The following FAT4 variants were observed in gnomAD, a reference collection of about 807,000 sequenced individuals.
FAT4 encodes the protein FAT atypical cadherin 4.
A neutral mutation model predicts 303.9 loss-of-function variants in FAT4; 84 were observed. The observed-to-expected ratio is 0.28, with a 90% CI of 0.23 to 0.33. FAT4 has a LOEUF of 0.33. Among genes scored for constraint, FAT4 ranks in the 10% least tolerant of loss-of-function variants. FAT4 has a pLI of 1.00. For missense variants in FAT4, 6,005 were observed against 6,146.8 expected (o/e 0.98, Z 0.77); for synonymous variants, 2,307 against 2,298.8 (o/e 1.00, Z -0.10).
At chr4:125,457,628 T>C (rs1306739777) in intron 10 of FAT4, among the ~76,000 whole-genome samples, 2 of 152,050 alleles carry the variant, frequency 1.3e-5, no homozygotes, top group Non-Finnish European at 2.9e-5. Context: ...TTATAATTTT[T>C]ATATTAATAT....
chr4:125,330,112 C>A (rs990067147), intron 2 of FAT4, among the ~76,000 whole-genome samples: 18 of 152,234 alleles, frequency 1.2e-4, no homozygotes, highest in African/African-American at 4.1e-4. Flanking sequence ...ATTCTCGGAA[C>A]TTGCTAGGCA....
chr4:125,382,214 T>C (rs1448719275), intron 2 of FAT4, among the ~76,000 whole-genome samples: 1 of 152,208 alleles, frequency 6.6e-6, no homozygotes, highest in Non-Finnish European at 1.5e-5. Context: ...TGGTGAATTC[T>C]TTCCAAGTTT....
Position 125,449,017 on chromosome 4 carries a change from A to G in FAT4, c.8007A>G (p.Pro2669=). Residue 2669 remains proline, a synonymous_variant, in exon 10 of 18, where the codon CCA becomes CCG. Coordinates refer to ENST00000394329, the MANE Select transcript of FAT4 (RefSeq NM_001291303.3). ...TATTAGATGTCAATGATAATGCCCCAATTTTTAAGGAAGACCCATTTATAT... is the reference window on the plus strand; with the variant it reads ...TATTAGATGTCAATGATAATGCCCCGATTTTTAAGGAAGACCCATTTATAT... ...ITVLDVNDNA[P]IFKEDPFISE... The G allele has an allele frequency of 1.9e-6, 3 of 1,613,778 alleles. No individual in the cohort carries two copies. Among genetic ancestry groups the G allele is most frequent in the Non-Finnish European group, 2.5e-6 (3 of 1,179,842 alleles).
In FAT4 at chr4:125,320,221, T is replaced by C; in HGVS notation, c.3810T>C (p.Ile1270=). Residue 1270 remains isoleucine, a synonymous_variant, in exon 2 of 18, where the codon ATT becomes ATC. Transcript: ENST00000394329. The part of the protein sequence containing the change: ...IDSTSGQVTL[I]GKLDYEATPA... ...GTACCTCTGGTCAGGTAACACTAAT[T>C]GGCAAATTAGACTATGAAGCAACAC... 5.6e-6 allele frequency: 9 copies of C among 1,614,082 alleles called. No individual in the cohort carries two copies. Among genetic ancestry groups the C allele is most frequent in the Non-Finnish European group, 7.6e-6 (9 of 1,179,946 alleles).
At chr4:125,334,603 A>T (rs936436254) in intron 2 of FAT4, among the ~76,000 whole-genome samples, 19 of 152,334 alleles carry the variant, frequency 1.2e-4, no homozygotes, top group African/African-American at 4.6e-4. Context: ...GAGATGTTTG[A>T]CAGTTTCAGG....
chr4:125,412,207 A>C (rs1218789548), intron 5 of FAT4, among the ~76,000 whole-genome samples: 2 of 151,824 alleles, frequency 1.3e-5, no homozygotes, highest in Non-Finnish European at 3.0e-5. Flanking sequence ...CTATGTCTGC[A>C]TGTATTTTTT....
intron 5 of FAT4, among the ~76,000 whole-genome samples, chr4:125,412,684 A>T (rs1658659907): frequency 6.6e-6 from 1 of 151,848 alleles, no homozygotes; most frequent in South Asian, 2.1e-4. Flanking sequence ...TACATGATGG[A>T]CTAAGGATGA....
chr4:125,358,236 G>A (rs753734248), intron 2 of FAT4, among the ~76,000 whole-genome samples: 10 of 152,032 alleles, frequency 6.6e-5, no homozygotes, highest in Non-Finnish European at 7.4e-5. Context: ...CTTCATCAGC[G>A]ATCCCCAACC....
chr4:125,327,621 G>T (rs535274222), intron 2 of FAT4, among the ~76,000 whole-genome samples: 119 of 152,244 alleles, frequency 7.8e-4, no homozygotes, highest in African/African-American at 2.5e-3. Flanking sequence ...TTATGTTCAT[G>T]CTGCATATTT....
chr4:125,447,921 C>G (rs1433561021), intron 9 of FAT4, among the ~76,000 whole-genome samples: 1 of 151,692 alleles, frequency 6.6e-6, no homozygotes, highest in African/African-American at 2.4e-5. Context: ...TTTTTTCCAT[C>G]TGATAATAGT....
intron 9 of FAT4, 93 bp downstream of exon 9, chr4:125,446,636 T>C: frequency 7.9e-7 from 1 of 1,267,438 alleles, no homozygotes; most frequent in Non-Finnish European, 1.0e-6. Flanking sequence ...CATACATATT[T>C]CTGATATAGC....
chr4:125,346,251 G>A (rs1731997521), intron 2 of FAT4, among the ~76,000 whole-genome samples: 1 of 151,986 alleles, frequency 6.6e-6, no homozygotes, highest in Admixed American at 6.6e-5. Context: ...AACAGGGACT[G>A]CAAAATGTGA....
chr4:125,360,468 G>A (rs1207045491), intron 2 of FAT4, among the ~76,000 whole-genome samples: 10 of 152,088 alleles, frequency 6.6e-5, no homozygotes, highest in Admixed American at 2.0e-4. Context: ...CAGATTAGCC[G>A]TTCTTATTAT....
chr4:125,322,502 T>C (rs1286595093), intron 2 of FAT4, among the ~76,000 whole-genome samples: 1 of 152,014 alleles, frequency 6.6e-6, no homozygotes, highest in Non-Finnish European at 1.5e-5. Flanking sequence ...TCCAGAAAAC[T>C]CTTGTTTGCT....
chr4:125,423,468 G>A (rs1724979404), intron 7 of FAT4, among the ~76,000 whole-genome samples: 1 of 152,216 alleles, frequency 6.6e-6, no homozygotes, highest in South Asian at 2.1e-4. Flanking sequence ...TCCACATGGT[G>A]TTGAGCCTGC....
intron 2 of FAT4, among the ~76,000 whole-genome samples, chr4:125,357,995 A>G (rs1732503545): frequency 6.6e-6 from 1 of 152,156 alleles, no homozygotes; most frequent in African/African-American, 2.4e-5. Context: ...TAGTCAGTTA[A>G]GTATGGTTCT....
At position 125,321,053 on chromosome 4, in the gene FAT4, A is replaced by G. The variant is rs908603166; in HGVS notation, c.4642A>G (p.Thr1548Ala). Residue 1548 changes from threonine to alanine, a missense_variant, in exon 2 of 18, where the codon ACA becomes GCA. Thr to Ala is a moderately conservative substitution (Grantham distance 58). Transcript: ENST00000394329. ...ATCAGCTGTGATTGGTTCCGTTCTG[A>G]CAACAATTATGGCTGCTGACCCAGA... ...DPSAVIGSVL[T>A]TIMAADPDEG... is the part of the protein sequence containing the mutation. 6.2e-7 allele frequency: 1 copy of G among 1,614,040 alleles called. No individual in the cohort carries two copies. Among genetic ancestry groups the G allele is most frequent in the African/African-American group, 1.3e-5 (1 of 74,922 alleles).
chr4:125,371,470 C>T (rs1179742044), intron 2 of FAT4, among the ~76,000 whole-genome samples: 13 of 151,756 alleles, frequency 8.6e-5, no homozygotes, highest in Admixed American at 8.5e-4. Context: ...CATAGGGTAT[C>T]TTCCTAGAGT....
intron 8 of FAT4, among the ~76,000 whole-genome samples, chr4:125,438,816 G>A (rs1384642889): frequency 6.6e-6 from 1 of 152,104 alleles, no homozygotes; most frequent in Non-Finnish European, 1.5e-5. Flanking sequence ...GTATCCTGAA[G>A]AAAATCTATT....
Sources: gnomAD v4.1 joint callset for allele counts (sites outside exome capture counted in the v4.1 genomes callset) on GRCh38, gnomAD v4.1.1 for gene constraint, MANE v1.5 for transcripts, NCBI Gene and HGNC (gene_info 2026-07-23, HGNC 2026-07-21) for gene names.